SCAPER: variants seen among roughly 807,000 people sequenced by gnomAD.
SCAPER encodes S-phase cyclin A associated protein in the ER, also known as S phase cyclin A-associated protein in the endoplasmic reticulum.
Under a neutral mutation model 182.2 loss-of-function variants are expected in SCAPER, and 98 were observed. The ratio of observed to expected loss-of-function variants is 0.54; its 90% CI spans 0.46 to 0.64. The LOEUF (loss-of-function observed/expected upper bound fraction) is 0.64. SCAPER is among the 30% of genes least tolerant of loss of function. The pLI, the probability that SCAPER is intolerant of heterozygous loss-of-function variation, is 0.00. For missense variants in SCAPER, 1,432 were observed against 1,690.0 expected, an observed-to-expected ratio of 0.85 and a Z score of 2.68; for synonymous variants, 605 against 564.6, an observed-to-expected ratio of 1.07 and a Z score of -1.01.
chr15:76,674,616 G>C (rs1466266747), intron 20 of SCAPER, among the ~76,000 whole-genome samples: 1 of 152,116 alleles, frequency 6.6e-6, no homozygotes, highest in Non-Finnish European at 1.5e-5. Flanking sequence ...AATCATGAAG[G>C]GAGGGCATAC....
At chr15:76,374,476 C>T (rs1054782131) in intron 29 of SCAPER, among the ~76,000 whole-genome samples, 1 of 148,870 alleles carries the variant, frequency 6.7e-6, no homozygotes, top group Non-Finnish European at 1.5e-5. Context: ...TTAAGGTTGG[C>T]TGAGTAGGGG....
At chr15:76,496,200 G>A (rs1479276542) in intron 24 of SCAPER, among the ~76,000 whole-genome samples, 2 of 149,910 alleles carry the variant, frequency 1.3e-5, no homozygotes, top group Non-Finnish European at 3.0e-5. Context: ...AATCATTGGT[G>A]AAATGTTTAA....
chr15:76,496,159 A>G (rs542599668), intron 24 of SCAPER, among the ~76,000 whole-genome samples: 27 of 152,240 alleles, frequency 1.8e-4, no homozygotes, highest in Non-Finnish European at 3.7e-4. Context: ...CCTCACTTTC[A>G]TAATAGGCAA....
intron 21 of SCAPER, among the ~76,000 whole-genome samples, chr15:76,623,440 G>T (rs910051633): frequency 6.6e-6 from 1 of 152,142 alleles, no homozygotes; most frequent in East Asian, 1.9e-4. Context: ...AAATGTAGGG[G>T]TCTAATTTAT....
At chr15:76,894,189 T>C (rs12441855) in intron 1 of SCAPER, among the ~76,000 whole-genome samples, 58,007 of 151,454 alleles carry the variant, frequency 0.38, 13,104 homozygotes, top group Middle Eastern at 0.52. Flanking sequence ...GAGGTGGAGG[T>C]TGCAGTGAGC....
chr15:76,456,777 T>C (rs1051174768), intron 25 of SCAPER, among the ~76,000 whole-genome samples: 9 of 152,226 alleles, frequency 5.9e-5, no homozygotes, highest in Admixed American at 2.0e-4. Context: ...TTTTGCTTCA[T>C]GTATTTTGTA....
chr15:76,679,101 A>G (rs1176305934), intron 20 of SCAPER, among the ~76,000 whole-genome samples: 1 of 152,214 alleles, frequency 6.6e-6, no homozygotes, highest in African/African-American at 2.4e-5. Context: ...AGGCATATCA[A>G]ATAAAGTATC....
At chr15:76,861,389 A>G (rs1422498953) in intron 3 of SCAPER, among the ~76,000 whole-genome samples, 1 of 152,226 alleles carries the variant, frequency 6.6e-6, no homozygotes, top group Non-Finnish European at 1.5e-5. Context: ...TGAAAAGGAC[A>G]CATCATTTCT....
intron 22 of SCAPER, among the ~76,000 whole-genome samples, chr15:76,606,316 T>C (rs575591144): frequency 6.6e-6 from 1 of 152,330 alleles, no homozygotes; most frequent in African/African-American, 2.4e-5. Context: ...TCAGTTTCCA[T>C]GTAGTTGAGC....
intron 29 of SCAPER, among the ~76,000 whole-genome samples, chr15:76,357,243 G>A (rs1342273832): frequency 3.3e-5 from 5 of 150,364 alleles, no homozygotes; most frequent in African/African-American, 4.9e-5. Context: ...TTTTCACAAA[G>A]TGTATACACC....
intron 4 of SCAPER, among the ~76,000 whole-genome samples, chr15:76,847,356 C>T (rs1017393352): frequency 4.1e-5 from 6 of 147,770 alleles, no homozygotes; most frequent in African/African-American, 1.5e-4. Context: ...TAAATAGTAA[C>T]AAATAAAAGG....
At chr15:76,488,226 T>C (rs1212150350) in intron 24 of SCAPER, among the ~76,000 whole-genome samples, 2 of 152,204 alleles carry the variant, frequency 1.3e-5, no homozygotes, top group African/African-American at 4.8e-5. Flanking sequence ...TTTTCTTTAA[T>C]ATCTTTTATA....
chr15:76,495,055 T>C (rs2040361416), intron 24 of SCAPER, among the ~76,000 whole-genome samples: 1 of 152,056 alleles, frequency 6.6e-6, no homozygotes, highest in African/African-American at 2.4e-5. Flanking sequence ...GTTAAATAAA[T>C]GCAATATGCC....
intron 5 of SCAPER, among the ~76,000 whole-genome samples, chr15:76,821,260 T>C (rs762648336): frequency 3.9e-5 from 6 of 151,964 alleles, no homozygotes; most frequent in Non-Finnish European, 7.4e-5. Context: ...ATAAACAAAC[T>C]GTGGTACATC....
chr15:76,534,439 A>G (rs1251781627), intron 23 of SCAPER, among the ~76,000 whole-genome samples: 1 of 152,228 alleles, frequency 6.6e-6, no homozygotes, highest in Non-Finnish European at 1.5e-5. Context: ...TTGAGGCAAG[A>G]GTAAGTAATA....
chr15:76,896,338 T>C (rs954328176), intron 1 of SCAPER, among the ~76,000 whole-genome samples: 2 of 152,030 alleles, frequency 1.3e-5, no homozygotes, highest in African/African-American at 2.4e-5. Flanking sequence ...ACCACTGCAC[T>C]CCAGACTGGG....
At chr15:76,767,450 G>A (rs1304953634) in intron 10 of SCAPER, among the ~76,000 whole-genome samples, 3 of 152,058 alleles carry the variant, frequency 2.0e-5, no homozygotes, top group Non-Finnish European at 2.9e-5. Flanking sequence ...ATATAAAACC[G>A]AAATAGTATA....
chr15:76,869,698 G>A (rs2072553445), intron 2 of SCAPER, among the ~76,000 whole-genome samples: 1 of 152,004 alleles, frequency 6.6e-6, no homozygotes, highest in Non-Finnish European at 1.5e-5. Context: ...CAGTATGAAA[G>A]TTCCCCAAAA....
chr15:76,705,300 A>G (rs1390496304), intron 18 of SCAPER, among the ~76,000 whole-genome samples: 4 of 151,316 alleles, frequency 2.6e-5, no homozygotes, highest in Non-Finnish European at 4.4e-5. Context: ...TTGCAAGGAC[A>G]AAAAACCAAA....
Sources: allele counts gnomAD v4.1 joint callset (sites outside exome capture counted in the v4.1 genomes callset), GRCh38; gene constraint gnomAD v4.1.1; transcripts MANE v1.5; gene names NCBI Gene and HGNC (gene_info 2026-07-23, HGNC 2026-07-21).